The following CEP44 variants were observed in gnomAD, a reference collection of about 807,000 sequenced individuals.
CEP44 encodes centrosomal protein 44.
CEP44 carries 45 observed loss-of-function variants against 46.7 expected under a neutral mutation model. The observed-to-expected ratio is 0.96, with a 90% CI of 0.76 to 1.24. CEP44 has a LOEUF of 1.24. Ranked by LOEUF, CEP44 falls within the 50% of genes most tolerant of loss-of-function variation. The probability of loss-of-function intolerance (pLI) is 0.00; values close to 1 mark genes in which losing one functional copy is unlikely to be tolerated. For missense variants in CEP44, 475 were observed against 459.7 expected (o/e 1.03, Z -0.30); for synonymous variants, 142 against 146.0 (o/e 0.97, Z 0.20).
At chr4:174,306,819 CA>C (rs1178963676) in intron 6 of CEP44, among the ~76,000 whole-genome samples, 1 of 152,026 alleles carries the variant, frequency 6.6e-6, no homozygotes, top group East Asian at 1.9e-4. Flanking sequence ...CTACCAACAA[CA>C]GTCAAGCTGA....
At position 174,318,908 on chromosome 4, in the gene CEP44, C is replaced by A; in HGVS notation, c.*1525C>A. On this transcript the variant is annotated 3_prime_UTR_variant, in exon 12 of 12. Coordinates refer to ENST00000503780, the MANE Select transcript of CEP44 (RefSeq NM_001040157.3). ...CACTGCACCTTCTGCCTACCGAGTT[C>A]AAGCGATTCTTGTGCTTCAGCCTCC... is the stretch of plus-strand genomic sequence containing the variant. The A allele has an allele frequency of 7.3e-6, 2 of 273,850 alleles. No individual in the cohort carries two copies. The highest frequency in any genetic ancestry group is 1.1e-5 in the Non-Finnish European group (2 of 180,294). 17.0% of individuals were successfully genotyped at this position (273,850 alleles called of 1,614,324 possible). A position where few individuals can be genotyped will look rare whatever the true frequency, so the allele number is the denominator to read the frequency against.
At chr4:174,285,067 G>A (rs1018748165) in intron 1 of CEP44, among the ~76,000 whole-genome samples, 2 of 152,170 alleles carry the variant, frequency 1.3e-5, no homozygotes, top group African/African-American at 2.4e-5. Flanking sequence ...GTTCAATTGC[G>A]CAGATCTGAC....
chr4:174,298,417 C>T (rs1034722448), intron 2 of CEP44, among the ~76,000 whole-genome samples: 16 of 151,890 alleles, frequency 1.1e-4, no homozygotes, highest in Non-Finnish European at 1.8e-4. Flanking sequence ...CCTCCTGATC[C>T]GCCCGCCTCG....
exon 9 of CEP44, chr4:174,333,199 C>T (rs972366569): frequency 1.3e-5 from 2 of 150,040 alleles, no homozygotes; most frequent in African/African-American, 2.5e-5. Flanking sequence ...AATTAGAGAG[C>T]GTAAAAGGAT....
rs528065474 is a variant in CEP44 at position 174,314,954 on chromosome 4, GAGTT to G, written c.962-1204_962-1201del. On this transcript the variant is annotated intron_variant, in intron 9 of 11. Coordinates refer to ENST00000503780, the MANE Select transcript of CEP44 (RefSeq NM_001040157.3). The surrounding 1 kb of genome is among the most constrained non-coding windows in gnomAD (Gnocchi z 4.1). ...TTAGCATTTGGAATTAGGACACCAC[GAGTT>G]AGTTAGTCAAATGATATTGAGCCTG... 1.3e-5 allele frequency among the ~76,000 whole-genome samples: 2 copies of G among 152,298 alleles called. No homozygotes were observed. The highest frequency in any genetic ancestry group is 3.4e-3 in the Middle Eastern group (1 of 294).
Position 174,311,918 on chromosome 4 carries a change from A to G in CEP44, c.961+1060A>G, listed in dbSNP as rs909971553. ...ATTTGAGATGCTATTTAAGGCAACT[A>G]AATTTATTATAGGCTGCAGATTTCA... On this transcript the variant is annotated intron_variant, in intron 9 of 11. Transcript: ENST00000503780. This position sits in a 1 kb window ranked among gnomAD's most constrained non-coding sequence, Gnocchi z 4.4. Among the ~76,000 whole-genome samples the G allele has an allele frequency of 6.6e-6, 1 of 152,216 alleles. No homozygotes were observed. Among genetic ancestry groups the G allele is most frequent in the Non-Finnish European group, 1.5e-5 (1 of 68,036 alleles).
At position 174,326,321 on chromosome 4, in the gene CEP44, C is replaced by T. The variant is rs1403682975; in HGVS notation, c.1087-5161C>T. 6.6e-6 allele frequency among the ~76,000 whole-genome samples: 1 copy of T among 151,070 alleles called. No individual in the cohort carries two copies. Among genetic ancestry groups the T allele is most frequent in the East Asian group, 1.9e-4 (1 of 5,198 alleles). ...TAAGCTACTGTCAAATATTATACTA[C>T]TCATTTTTCAGTATATATATTTAAC... On this transcript the variant is annotated intron_variant, in intron 8 of 8. Coordinates refer to the CEP44 transcript ENST00000426172. The surrounding 1 kb of genome is among the most constrained non-coding windows in gnomAD (Gnocchi z 4.8).
Position 174,331,559 on chromosome 4 carries a change from A to G in CEP44, c.1164A>G (p.Ser388=). 6.4e-7 allele frequency: 1 copy of G among 1,551,420 alleles called. No individual in the cohort carries two copies. Among genetic ancestry groups the G allele is most frequent in the South Asian group, 1.2e-5 (1 of 84,048 alleles). ...TCCGTGGGCATACTTCATACCTTTC[A>G]TCACAGAGCTTTGCTTGGCCTCTCT... The change falls in exon 9 of 9, where the codon TCA becomes TCG. Residue 388 remains serine (S), a synonymous_variant. Coordinates refer to the CEP44 transcript ENST00000426172. The surrounding 1 kb of genome is among the most constrained non-coding windows in gnomAD (Gnocchi z 4.5).
intron 11 of CEP44, among the ~76,000 whole-genome samples, chr4:174,316,963 A>G (rs985262130): frequency 1.3e-5 from 2 of 151,842 alleles, no homozygotes; most frequent in Non-Finnish European, 2.9e-5. Context: ...GTTTTTCGGC[A>G]AGTTATTGAT....
chr4:174,321,310 G>C (rs938399428), downstream of CEP44, among the ~76,000 whole-genome samples: 1 of 152,076 alleles, frequency 6.6e-6, no homozygotes, highest in East Asian at 1.9e-4. Flanking sequence ...AATATATACA[G>C]CTTCTTGCAA....
chr4:174,296,952 CCTTTAT>C (rs1739101577), intron 1 of CEP44, among the ~76,000 whole-genome samples: 1 of 151,616 alleles, frequency 6.6e-6, no homozygotes, highest in South Asian at 2.1e-4. Context: ...AGAATTAAGT[CCTTTAT>C]CTTTATGTAA....
chr4:174,330,897 T>C lies in CEP44; in HGVS notation c.1087-585T>C, dbSNP rs140635975. On this transcript the variant is annotated intron_variant, in intron 8 of 8. Coordinates refer to the CEP44 transcript ENST00000426172. ...AAAATATTTACCATAATCTTTTAAA[T>C]CATTTTCCTATTGCATATTTTGCTG... 3.7e-3 allele frequency among the ~76,000 whole-genome samples: 560 copies of C among 152,312 alleles called. 5 individuals are homozygous for C. The highest frequency in any genetic ancestry group is 0.013 in the African/African-American group (529 of 41,574).
At position 174,317,845 on chromosome 4, in the gene CEP44, G is replaced by A; in HGVS notation, c.*462G>A. 3 of 985,722 alleles carry A rather than the reference G, an allele frequency of 3.0e-6. No individual in the cohort carries two copies. The highest frequency in any genetic ancestry group is 3.6e-6 in the Non-Finnish European group (3 of 829,858). 61.1% of individuals were successfully genotyped at this position (985,722 alleles called of 1,614,324 possible). ...TAAGTTATAATGAACAGTTAAAAAT[G>A]CTCATTGAAAATTAAATAAAACAAA... On this transcript the variant is annotated 3_prime_UTR_variant, in exon 12 of 12. Transcript: ENST00000503780.
intron 8 of CEP44, among the ~76,000 whole-genome samples, chr4:174,328,234 G>C (rs1289111961): frequency 2.0e-5 from 3 of 152,184 alleles, no homozygotes; most frequent in African/African-American, 7.2e-5. Context: ...AAACATCTAA[G>C]TTGTGGCCAT....
In CEP44 at chr4:174,318,475, A is replaced by T; in HGVS notation, c.*1092A>T. Reference sequence around the variant, plus strand: ...GAAAAGTCTTAGCTGAAGGTAAATCAATGGAAAAATGAAATTTATTTTTAA... The same window carrying T: ...GAAAAGTCTTAGCTGAAGGTAAATCTATGGAAAAATGAAATTTATTTTTAA... On this transcript the variant is annotated 3_prime_UTR_variant, in exon 12 of 12. Coordinates refer to ENST00000503780, the MANE Select transcript of CEP44 (RefSeq NM_001040157.3). 1 of 952,120 alleles carries T rather than the reference A, an allele frequency of 1.1e-6. No homozygotes were observed. The highest frequency in any genetic ancestry group is 1.2e-6 in the Non-Finnish European group (1 of 802,166). The allele number at this position is 952,120 out of a possible 1,614,324, so 59.0% of individuals were successfully genotyped here.
chr4:174,299,060 T>A lies in CEP44; in HGVS notation c.-50-12T>A. On this transcript the variant is annotated splice_polypyrimidine_tract_variant and intron_variant, in intron 2 of 11. Transcript: ENST00000503780. ...GAGACTTAACCAGTATTTCATGGAT[T>A]TCTATTTTCAGGTGAAAAATTAGAC... 6.9e-7 allele frequency: 1 copy of A among 1,443,928 alleles called. No homozygotes were observed. Among genetic ancestry groups the A allele is most frequent in the Non-Finnish European group, 9.7e-7 (1 of 1,035,914 alleles). 89.4% of individuals were successfully genotyped at this position (1,443,928 alleles called of 1,614,324 possible). A position where few individuals can be genotyped will look rare whatever the true frequency, so the allele number is the denominator to read the frequency against.
In CEP44 at chr4:174,318,686, A is replaced by G. The variant is rs139125516; in HGVS notation, c.*1303A>G. ...TTATGGTATGTATGTATAATTCTAT[A>G]TTACACTGTCAAATATAAAATATTG... is the stretch of plus-strand genomic sequence containing the variant. On this transcript the variant is annotated 3_prime_UTR_variant, in exon 12 of 12. Coordinates refer to ENST00000503780, the MANE Select transcript of CEP44 (RefSeq NM_001040157.3). The G allele has an allele frequency of 1.1e-3, 705 of 634,728 alleles. 4 individuals are homozygous for G. The African/African-American group carries it at 0.013, about 12-fold the overall frequency. 39.3% of individuals were successfully genotyped at this position (634,728 alleles called of 1,614,324 possible).
chr4:174,283,848 G>C (rs550840977), upstream of CEP44: 3 of 398,850 alleles, frequency 7.5e-6, no homozygotes, highest in African/African-American at 4.1e-5. The surrounding 1 kb of genome is among the most constrained non-coding windows in gnomAD (Gnocchi z 6.7). Context: ...GCTCTCAGCG[G>C]AGTCGCTCTT....
At chr4:174,284,203 G>C in intron 1 of CEP44, 1 of 397,534 alleles carries the variant, frequency 2.5e-6, no homozygotes, top group Non-Finnish European at 4.4e-6. Flanking sequence ...TCTCTCCGCC[G>C]TCCTTACAGA....
Sources: allele counts gnomAD v4.1 joint callset (sites outside exome capture counted in the v4.1 genomes callset), GRCh38; gene constraint gnomAD v4.1.1; non-coding constraint Gnocchi (gnomAD v3.1); transcripts MANE v1.5; gene names NCBI Gene and HGNC (gene_info 2026-07-23, HGNC 2026-07-21).